The following CREB5 variants were observed in gnomAD, a reference collection of about 807,000 sequenced individuals.
The protein encoded by CREB5 is cyclic AMP-responsive element-binding protein 5.
A neutral mutation model predicts 57.1 loss-of-function variants in CREB5; 19 were observed. The observed-to-expected ratio is 0.33, with a 90% CI of 0.23 to 0.49. The LOEUF is 0.49. Among genes scored for constraint, CREB5 ranks in the 20% least tolerant of loss-of-function variants. CREB5 has a pLI of 0.99. For missense variants in CREB5, 579 were observed against 671.6 expected (o/e 0.86, Z 1.52); for synonymous variants, 238 against 238.3 (o/e 1.00, Z 0.01).
chr7:28,591,428 T>G (rs1792279481), intron 5 of CREB5, among the ~76,000 whole-genome samples: 1 of 152,192 alleles, frequency 6.6e-6, no homozygotes, highest in African/African-American at 2.4e-5. Flanking sequence ...GTTTGCTTAG[T>G]ACCGTGCTTG....
chr7:28,421,359 C>T (rs1369477888), intron 1 of CREB5, among the ~76,000 whole-genome samples: 1 of 152,098 alleles, frequency 6.6e-6, no homozygotes, highest in African/African-American at 2.4e-5. Context: ...TCATGGTATA[C>T]ATATACCACA....
chr7:28,527,741 C>A (rs772621598), intron 4 of CREB5, among the ~76,000 whole-genome samples: 3 of 151,994 alleles, frequency 2.0e-5, no homozygotes, highest in African/African-American at 4.8e-5. Context: ...GGGTCTCAGC[C>A]CAGGAGTTTG....
At chr7:28,569,982 G>A (rs749094977) in intron 4 of CREB5, among the ~76,000 whole-genome samples, 1 of 152,202 alleles carries the variant, frequency 6.6e-6, no homozygotes, top group African/African-American at 2.4e-5. Context: ...GTCATGCAAA[G>A]CAGGATGCAG....
At chr7:28,797,319 T>C (rs1808106378) in intron 7 of CREB5, among the ~76,000 whole-genome samples, 1 of 152,252 alleles carries the variant, frequency 6.6e-6, no homozygotes, top group Admixed American at 6.5e-5. Context: ...ACTCCTGGCA[T>C]CATTTCCCAA....
chr7:28,428,722 G>T (rs994732886), intron 1 of CREB5, among the ~76,000 whole-genome samples: 10 of 152,150 alleles, frequency 6.6e-5, no homozygotes, highest in Non-Finnish European at 4.4e-5. Flanking sequence ...TGCTGAGAGA[G>T]GAATTCAGGG....
intron 2 of CREB5, among the ~76,000 whole-genome samples, chr7:28,489,457 G>A (rs952959195): frequency 6.6e-5 from 10 of 151,950 alleles, no homozygotes; most frequent in African/African-American, 2.4e-4. Context: ...CCGCCACCAC[G>A]CCCGGGTAAT....
chr7:28,463,960 G>C (rs897576619), intron 1 of CREB5, among the ~76,000 whole-genome samples: 12 of 152,126 alleles, frequency 7.9e-5, no homozygotes, highest in Non-Finnish European at 2.9e-5. Flanking sequence ...CAGTGAAATA[G>C]AAGTAGTGAG....
chr7:28,815,924 G>A (rs1020290654), intron 9 of CREB5, among the ~76,000 whole-genome samples: 1 of 152,150 alleles, frequency 6.6e-6, no homozygotes, highest in Non-Finnish European at 1.5e-5. Context: ...AAGATCCATT[G>A]TCTACATTAT....
intron 4 of CREB5, among the ~76,000 whole-genome samples, chr7:28,569,471 C>T (rs1326964564): frequency 1.3e-5 from 2 of 152,150 alleles, no homozygotes; most frequent in African/African-American, 2.4e-5. Context: ...ATTTTACTTA[C>T]TTTTGAATTT....
intron 5 of CREB5, among the ~76,000 whole-genome samples, chr7:28,695,301 A>G (rs1801491384): frequency 6.6e-6 from 1 of 152,216 alleles, no homozygotes; most frequent in African/African-American, 2.4e-5. Flanking sequence ...GTCAGTGCCC[A>G]GACCAAGCTC....
chr7:28,587,294 C>A (rs1796338928), intron 5 of CREB5, among the ~76,000 whole-genome samples: 1 of 152,150 alleles, frequency 6.6e-6, no homozygotes, highest in Non-Finnish European at 1.5e-5. Context: ...TGATTGCTGG[C>A]ACCTTTTATG....
At chr7:28,703,563 A>T (rs1801966967) in intron 5 of CREB5, among the ~76,000 whole-genome samples, 1 of 152,190 alleles carries the variant, frequency 6.6e-6, no homozygotes, top group South Asian at 2.1e-4. Context: ...GACCCAGAAA[A>T]GCAGATGGTG....
intron 9 of CREB5, among the ~76,000 whole-genome samples, chr7:28,809,671 C>G (rs1470529632): frequency 6.6e-6 from 1 of 152,232 alleles, no homozygotes; most frequent in Non-Finnish European, 1.5e-5. Flanking sequence ...GGTGGGAGAA[C>G]AGGCTTTAAT....
chr7:28,438,140 C>T (rs1387065192), intron 1 of CREB5, among the ~76,000 whole-genome samples: 1 of 152,126 alleles, frequency 6.6e-6, no homozygotes. Flanking sequence ...CCTAGGGTCA[C>T]ATTGATTGTT....
At chr7:28,517,015 C>T (rs779989300) in intron 4 of CREB5, among the ~76,000 whole-genome samples, 1 of 152,156 alleles carries the variant, frequency 6.6e-6, no homozygotes, top group Non-Finnish European at 1.5e-5. Context: ...TTAATACTCC[C>T]AAAGGCATGC....
chr7:28,387,363 G>C (rs1384355989), intron 1 of CREB5, among the ~76,000 whole-genome samples: 1 of 151,966 alleles, frequency 6.6e-6, no homozygotes, highest in Non-Finnish European at 1.5e-5. Context: ...TTTGTTGGTT[G>C]AATGTATGTC....
At chr7:28,417,552 A>G (rs899770385) in intron 1 of CREB5, among the ~76,000 whole-genome samples, 5 of 152,158 alleles carry the variant, frequency 3.3e-5, no homozygotes, top group Non-Finnish European at 7.3e-5. Context: ...TTATTAAAAA[A>G]CACTGATACC....
At chr7:28,618,966 ATATAATTTGAT>A (rs1797692568) in intron 5 of CREB5, among the ~76,000 whole-genome samples, 1 of 152,242 alleles carries the variant, frequency 6.6e-6, no homozygotes, top group Non-Finnish European at 1.5e-5. Flanking sequence ...CCAAAACAGA[ATATAATTTGAT>A]TCTTGTTAGA....
intron 5 of CREB5, among the ~76,000 whole-genome samples, chr7:28,598,764 G>A (rs1796792512): frequency 6.6e-6 from 1 of 152,144 alleles, no homozygotes; most frequent in East Asian, 1.9e-4. Flanking sequence ...ATGTTAAGAA[G>A]AGCGGCATAG....
Sources: gnomAD v4.1 joint callset for allele counts (sites outside exome capture counted in the v4.1 genomes callset) on GRCh38, gnomAD v4.1.1 for gene constraint, MANE v1.5 for transcripts, NCBI Gene and HGNC (gene_info 2026-07-23, HGNC 2026-07-21) for gene names.